ATP6V0D1: variants seen among roughly 807,000 people sequenced by gnomAD.
The protein encoded by ATP6V0D1 is ATPase H+ transporting V0 subunit d1.
Under a neutral mutation model 39.0 loss-of-function variants are expected in ATP6V0D1, and 13 were observed. That is an observed-to-expected ratio of 0.33 (90% CI 0.22 to 0.53). The LOEUF (loss-of-function observed/expected upper bound fraction) is 0.53. ATP6V0D1 is among the 20% of genes least tolerant of loss of function. ATP6V0D1 has a pLI of 0.94. For missense variants in ATP6V0D1, 272 were observed against 470.9 expected (o/e 0.58, Z 3.91); for synonymous variants, 191 against 191.2 (o/e 1.00, Z 0.01).
chr16:67,462,961 G>A (rs1384715510), intron 1 of ATP6V0D1, among the ~76,000 whole-genome samples: 2 of 152,236 alleles, frequency 1.3e-5, no homozygotes, highest in East Asian at 1.9e-4. Context: ...AGAAGGACAC[G>A]AAGGAAAGTT....
At chr16:67,448,463 C>T (rs1222840739) in intron 2 of ATP6V0D1, among the ~76,000 whole-genome samples, 2 of 151,982 alleles carry the variant, frequency 1.3e-5, no homozygotes, top group African/African-American at 4.8e-5. Flanking sequence ...AGTTTGAGAC[C>T]ACCCTGGCCA....
At chr16:67,470,738 C>G (rs1010806055) in intron 1 of ATP6V0D1, among the ~76,000 whole-genome samples, 9 of 152,182 alleles carry the variant, frequency 5.9e-5, no homozygotes, top group African/African-American at 2.2e-4. Flanking sequence ...CTCCCACCCC[C>G]CAATCTGCAC....
At chr16:67,465,231 A>G (rs573386531) in intron 1 of ATP6V0D1, among the ~76,000 whole-genome samples, 10 of 152,332 alleles carry the variant, frequency 6.6e-5, no homozygotes, top group African/African-American at 1.9e-4. Context: ...CAATCAACTG[A>G]TAACCCATCG....
chr16:67,445,682 G>T, intron 2 of ATP6V0D1: 1 of 327,284 alleles, frequency 3.1e-6, no homozygotes, highest in Non-Finnish European at 6.1e-6. Context: ...GCTCTGTGGG[G>T]TACATGGGCA....
Position 67,453,443 on chromosome 16 carries a change from C to A in ATP6V0D1, c.302+101G>T. On this transcript the variant is annotated intron_variant, in intron 2 of 7. Coordinates refer to ENST00000290949, the MANE Select transcript of ATP6V0D1 (RefSeq NM_004691.5). The surrounding 1 kb of genome is among the most constrained non-coding windows in gnomAD (Gnocchi z 4.1). ...CTGCCATCAGCTCTGACAGCTGACA[C>A]AGGCACGAAGGCAGCTAGCCTAAGC... 12 of 1,412,224 alleles carry A rather than the reference C, an allele frequency of 8.5e-6. No homozygotes were observed. Among genetic ancestry groups the A allele is most frequent in the Non-Finnish European group, 1.2e-5 (12 of 1,024,388 alleles). 87.5% of individuals were successfully genotyped at this position (1,412,224 alleles called of 1,614,324 possible). A position where few individuals can be genotyped will look rare whatever the true frequency, so the allele number is the denominator to read the frequency against.
intron 2 of ATP6V0D1, among the ~76,000 whole-genome samples, chr16:67,446,543 A>G (rs1182555459): frequency 6.6e-6 from 1 of 152,122 alleles, no homozygotes; most frequent in Non-Finnish European, 1.5e-5. Flanking sequence ...GTGCTGGCAG[A>G]GTGAGGGACC....
intron 1 of ATP6V0D1, among the ~76,000 whole-genome samples, chr16:67,479,213 ATTT>A (rs574026889): frequency 7.0e-6 from 1 of 142,368 alleles, no homozygotes. Flanking sequence ...TGTACTGCCG[ATTT>A]TTTTTTTTTT....
intron 4 of ATP6V0D1, chr16:67,439,611 C>A: frequency 1.8e-6 from 1 of 542,376 alleles, no homozygotes; most frequent in South Asian, 2.3e-5. Flanking sequence ...AGGCTACAGT[C>A]TCCTTCACCC....
chr16:67,463,855 T>C (rs1040735826), intron 1 of ATP6V0D1, among the ~76,000 whole-genome samples: 4 of 151,720 alleles, frequency 2.6e-5, no homozygotes, highest in Non-Finnish European at 5.9e-5. Context: ...AGTGAGCCAG[T>C]GCTGTGGACC....
chr16:67,461,859 T>G (rs1047819924), intron 1 of ATP6V0D1, among the ~76,000 whole-genome samples: 3 of 152,180 alleles, frequency 2.0e-5, no homozygotes, highest in Non-Finnish European at 4.4e-5. Flanking sequence ...ATGTCTGCCC[T>G]GGGTTCATCA....
intron 3 of ATP6V0D1, 180 bp from the exon 4 acceptor site, chr16:67,443,358 A>G: frequency 1.7e-6 from 1 of 590,706 alleles, no homozygotes; most frequent in Non-Finnish European, 3.0e-6. Flanking sequence ...GGCCATGTAC[A>G]CTGACCTGAG....
rs1304904391 is a variant in ATP6V0D1 at position 67,447,798 on chromosome 16, C to T, written c.303-3092G>A. 6.6e-6 allele frequency among the ~76,000 whole-genome samples: 1 copy of T among 152,218 alleles called. No homozygotes were observed. Among genetic ancestry groups the T allele is most frequent in the Non-Finnish European group, 1.5e-5 (1 of 68,048 alleles). On this transcript the variant is annotated intron_variant, in intron 2 of 7. Transcript: ENST00000290949. This position sits in a 1 kb window ranked among gnomAD's most constrained non-coding sequence, Gnocchi z 4.1. Reference sequence around the variant, plus strand: ...CGCCCTTTGGTGCCACCTGCTGGAACAATATGGCTTCTCAACCCCGGGTGG... The same window carrying T: ...CGCCCTTTGGTGCCACCTGCTGGAATAATATGGCTTCTCAACCCCGGGTGG...
chr16:67,445,196 C>A (rs2041100732), intron 2 of ATP6V0D1, among the ~76,000 whole-genome samples: 1 of 152,144 alleles, frequency 6.6e-6, no homozygotes, highest in Non-Finnish European at 1.5e-5. Flanking sequence ...CTGGCATGGT[C>A]AGGACTGGCA....
chr16:67,453,473 C>G lies in ATP6V0D1; in HGVS notation c.302+71G>C, dbSNP rs2041204234. On this transcript the variant is annotated intron_variant, in intron 2 of 7. Coordinates refer to ENST00000290949, the MANE Select transcript of ATP6V0D1 (RefSeq NM_004691.5). This position sits in a 1 kb window ranked among gnomAD's most constrained non-coding sequence, Gnocchi z 4.1. ...ACGAAGGCAGCTAGCCTAAGCCACACTGAACCCAGCTCCTGCAGGTGTAGC... is the reference window on the plus strand; with the variant it reads ...ACGAAGGCAGCTAGCCTAAGCCACAGTGAACCCAGCTCCTGCAGGTGTAGC... The G allele has an allele frequency of 6.4e-7, 1 of 1,573,302 alleles. No homozygotes were observed.
chr16:67,478,219 G>C (rs1026247394), intron 1 of ATP6V0D1, among the ~76,000 whole-genome samples: 14 of 152,198 alleles, frequency 9.2e-5, no homozygotes, highest in African/African-American at 4.8e-5. Context: ...TAATTGGCAG[G>C]ATTGGAATTC....
chr16:67,443,820 G>T (rs527830542), intron 3 of ATP6V0D1, among the ~76,000 whole-genome samples: 1 of 152,350 alleles, frequency 6.6e-6, no homozygotes, highest in South Asian at 2.1e-4. Flanking sequence ...GGCAGACAAG[G>T]TCAGCAGGTA....
chr16:67,454,251 C>A (rs1202598407), intron 1 of ATP6V0D1, among the ~76,000 whole-genome samples: 1 of 152,158 alleles, frequency 6.6e-6, no homozygotes, highest in African/African-American at 2.4e-5. Flanking sequence ...CAGCAAAGGG[C>A]AGGGGCAAGA....
intron 2 of ATP6V0D1, among the ~76,000 whole-genome samples, chr16:67,451,162 G>A (rs2041175466): frequency 6.6e-6 from 1 of 152,200 alleles, no homozygotes; most frequent in South Asian, 2.1e-4. Flanking sequence ...CCCACTCAAG[G>A]CTGGCTTCCC....
intron 1 of ATP6V0D1, among the ~76,000 whole-genome samples, chr16:67,467,437 G>A (rs1472336470): frequency 6.6e-6 from 1 of 151,966 alleles, no homozygotes; most frequent in African/African-American, 2.4e-5. Context: ...CCCAGGAGGC[G>A]GAGGTTGCAG....
Sources: gnomAD v4.1 joint callset for allele counts (sites outside exome capture counted in the v4.1 genomes callset) on GRCh38, gnomAD v4.1.1 for gene constraint, Gnocchi (gnomAD v3.1) non-coding constraint, MANE v1.5 for transcripts, NCBI Gene and HGNC (gene_info 2026-07-23, HGNC 2026-07-21) for gene names.